The following CACNA1G variants were observed in gnomAD, a reference collection of about 807,000 sequenced individuals.
CACNA1G encodes voltage-dependent T-type calcium channel subunit alpha-1G.
CACNA1G carries 67 observed loss-of-function variants against 219.4 expected under a neutral mutation model. That is an observed-to-expected ratio of 0.31 (90% CI 0.25 to 0.37). CACNA1G has a LOEUF of 0.37. CACNA1G is among the 10% of genes least tolerant of loss of function. CACNA1G has a pLI of 1.00. For synonymous variants in CACNA1G, 1,296 were observed against 1,345.3 expected (o/e 0.96, Z 0.80); for missense variants, 2,380 against 3,231.4 (o/e 0.74, Z 6.39).
intron 25 of CACNA1G, among the ~76,000 whole-genome samples, chr17:50,609,431 G>A (rs973572481): frequency 6.6e-6 from 1 of 152,154 alleles, no homozygotes; most frequent in African/African-American, 2.4e-5. Context: ...CTGCAGCTGA[G>A]CAGGTGCAGT....
chr17:50,625,533 A>G (rs371153400), intron 37 of CACNA1G, among the ~76,000 whole-genome samples: 2 of 152,354 alleles, frequency 1.3e-5, no homozygotes, highest in African/African-American at 4.8e-5. Context: ...CAGCAGGGAC[A>G]CAGAAGGGGA....
rs2047878818 is a variant in CACNA1G, at chr17:50,606,015, C to T, written c.4414C>T (p.Leu1472Phe). 6.2e-7 allele frequency: 1 copy of T among 1,613,892 alleles called. No individual in the cohort carries two copies. Among genetic ancestry groups the T allele is most frequent in the Non-Finnish European group, 8.5e-7 (1 of 1,179,864 alleles). ...CCGGCACAAGTACAACTTTGACAAC[C>T]TTGGCCAGGTGAGCCCCAGGCTCAG... is the stretch of plus-strand genomic sequence containing the variant. ...WVRHKYNFDN[L>F]GQALMSLFVL... Residue 1472 changes from leucine (L) to phenylalanine (F), a missense_variant, in exon 23 of 38, where the codon CTT (leucine) becomes TTT (phenylalanine). Around this residue, in one of 17 missense-constraint regions of CACNA1G, gnomAD observed 153 missense variants for 374.9 expected, o/e 0.41. Coordinates refer to ENST00000359106, the MANE Select transcript of CACNA1G (RefSeq NM_018896.5).
At position 50,608,891 on chromosome 17, in the gene CACNA1G, C is replaced by T. The variant is rs868736154; in HGVS notation, c.4705+872C>T. Among the ~76,000 whole-genome samples, 11 of 152,302 alleles carry T rather than the reference C, an allele frequency of 7.2e-5. No individual in the cohort carries two copies. In the Middle Eastern group the frequency reaches 0.02, roughly 283 times the overall value. On this transcript the variant is annotated intron_variant, in intron 25 of 37. Transcript: ENST00000359106. Reference sequence around the variant, plus strand: ...CAGGGCTCCCATCTGCCTGGTACAGCGTAATCTCCGCGCCTCTCTCTCTCT... The same window carrying T: ...CAGGGCTCCCATCTGCCTGGTACAGTGTAATCTCCGCGCCTCTCTCTCTCT...
chr17:50,593,167 G>A (rs971649351), intron 13 of CACNA1G, among the ~76,000 whole-genome samples: 2 of 152,122 alleles, frequency 1.3e-5, no homozygotes, highest in Non-Finnish European at 2.9e-5. Context: ...GAGGGACGCC[G>A]GTATGCTCCC....
intron 9 of CACNA1G, among the ~76,000 whole-genome samples, chr17:50,586,508 C>T (rs544843139): frequency 5.9e-5 from 9 of 152,332 alleles, no homozygotes; most frequent in African/African-American, 9.6e-5. Flanking sequence ...ATTGAGCTCC[C>T]GTGGCTCCTG....
chr17:50,623,054 C>T (rs2052550871), intron 35 of CACNA1G, among the ~76,000 whole-genome samples: 1 of 151,570 alleles, frequency 6.6e-6, no homozygotes, highest in African/African-American at 2.4e-5. Flanking sequence ...CCTCACCTCC[C>T]CCACTGACAG....
rs2041130446 is a variant in CACNA1G at position 50,578,157 on chromosome 17, G to A, written c.1925-31G>A. ...AGGGTAGCCCCAGGTACGAGACTCTGGAGCCTCTCACCTCTACTCTCCTGT... is the reference window on the plus strand; with the variant it reads ...AGGGTAGCCCCAGGTACGAGACTCTAGAGCCTCTCACCTCTACTCTCCTGT... On this transcript the variant is annotated intron_variant, in intron 8 of 37. Transcript: ENST00000359106. This position sits in a 1 kb window ranked among gnomAD's most constrained non-coding sequence, Gnocchi z 4.5. 6.6e-7 allele frequency: 1 copy of A among 1,514,126 alleles called. No individual in the cohort carries two copies. Among genetic ancestry groups the A allele is most frequent in the Non-Finnish European group, 8.8e-7 (1 of 1,133,800 alleles). The allele number at this position is 1,514,126 out of a possible 1,614,324, so 93.8% of individuals were successfully genotyped here.
At chr17:50,594,920 G>T (rs1179905578) in intron 13 of CACNA1G, 73 bp from the exon 14 acceptor site, 4 of 1,153,408 alleles carry the variant, frequency 3.5e-6, no homozygotes, top group South Asian at 1.3e-5. Context: ...ATCCTCTCTC[G>T]ACACTGCCGA....
chr17:50,594,828 G>A (rs1432209200), intron 13 of CACNA1G, among the ~76,000 whole-genome samples, 165 bp from the exon 14 acceptor site: 1 of 152,138 alleles, frequency 6.6e-6, no homozygotes, highest in African/African-American at 2.4e-5. Context: ...ATTCTGGAAG[G>A]CTGTTCTGTC....
rs534943811 is a variant in CACNA1G at position 50,624,176 on chromosome 17, G to T, written c.6229+101G>T. On this transcript the variant is annotated intron_variant, in intron 36 of 37. Coordinates refer to ENST00000359106, the MANE Select transcript of CACNA1G (RefSeq NM_018896.5). ...GGGATGGGGAACTGAGGCAGCCAAA[G>T]AGGTATCTCTGACCTCAGGGGAGCC... 1.3e-5 allele frequency: 19 copies of T among 1,446,306 alleles called. No individual in the cohort carries two copies. The African/African-American group carries it at 2.7e-4, about 20-fold the overall frequency. 89.6% of individuals were successfully genotyped at this position (1,446,306 alleles called of 1,614,324 possible). A position where few individuals can be genotyped will look rare whatever the true frequency, so the allele number is the denominator to read the frequency against.
chr17:50,587,234 C>T (rs1046508570), intron 9 of CACNA1G, among the ~76,000 whole-genome samples: 1 of 152,080 alleles, frequency 6.6e-6, no homozygotes, highest in Non-Finnish European at 1.5e-5. Flanking sequence ...CTGCACCTCT[C>T]CAGGAGGGTG....
At chr17:50,606,598 C>T (rs1427099877) in intron 23 of CACNA1G, 6 of 540,824 alleles carry the variant, frequency 1.1e-5, no homozygotes, top group African/African-American at 1.9e-5. Flanking sequence ...AAATTGCTCG[C>T]TCAGTTTTGA....
intron 7 of CACNA1G, among the ~76,000 whole-genome samples, chr17:50,574,832 CTG>C (rs1223247690): frequency 6.6e-6 from 1 of 152,054 alleles, no homozygotes; most frequent in East Asian, 1.9e-4. Context: ...TCTGGGGAAA[CTG>C]AGGCGTGGAG....
At position 50,592,050 on chromosome 17, in the gene CACNA1G, C is replaced by T; in HGVS notation, c.2868C>T (p.Phe956=). The T allele has an allele frequency of 8.1e-6, 13 of 1,613,956 alleles. No individual in the cohort carries two copies. The highest frequency in any genetic ancestry group is 3.3e-5 in the South Asian group (3 of 91,068). Residue 956 remains phenylalanine, a synonymous_variant, in exon 13 of 38, where the codon TTC becomes TTT. Transcript: ENST00000359106. The stretch of plus-strand genomic sequence containing the variant: ...TGACCTTCGGCAACTACGTGCTCTT[C>T]AATTTGCTGGTCGCCATTCTGGTGG... ...ALMTFGNYVL[F]NLLVAILVEG...
At chr17:50,563,970 C>T (rs1400025536) in intron 1 of CACNA1G, among the ~76,000 whole-genome samples, 6 of 152,230 alleles carry the variant, frequency 3.9e-5, no homozygotes, top group South Asian at 4.1e-4. Context: ...TCAGGAGGGT[C>T]CCTGTACGCC....
chr17:50,623,263 ATTTTTTTTTTTTTTTTT>A (rs35058899), intron 35 of CACNA1G, among the ~76,000 whole-genome samples: 6 of 50,978 alleles, frequency 1.2e-4, no homozygotes, highest in Admixed American at 3.1e-4. Context: ...TATCCAGCTA[ATTTTTTTTTTTTTTTTT>A]TTTTTTTTTT....
intron 3 of CACNA1G, 45 bp downstream of exon 3, chr17:50,569,343 C>G (rs759677534): frequency 3.1e-5 from 50 of 1,602,230 alleles, no homozygotes; most frequent in Admixed American, 6.7e-5. Context: ...TCAGATCGGT[C>G]CCTTCCCCGG....
intron 34 of CACNA1G, 69 bp downstream of exon 34, chr17:50,619,895 C>CCCCAGAAGCA: frequency 6.9e-7 from 1 of 1,440,488 alleles, no homozygotes; most frequent in Non-Finnish European, 9.2e-7. Flanking sequence ...TGCCATGCTT[C>CCCCAGAAGCA]TGGGGAAGCT....
chr17:50,578,089 C>T lies in CACNA1G; in HGVS notation c.1925-99C>T. ...AGTGCCTAGCACCCCATCACTGTAA[C>T]AACCCCAGACTCCCTGACTCATTTT... On this transcript the variant is annotated intron_variant, in intron 8 of 37. Transcript: ENST00000359106. The surrounding 1 kb of genome is among the most constrained non-coding windows in gnomAD (Gnocchi z 4.5). 1 of 1,407,596 alleles carries T rather than the reference C, an allele frequency of 7.1e-7. No homozygotes were observed. Among genetic ancestry groups the T allele is most frequent in the African/African-American group, 1.4e-5 (1 of 69,726 alleles). 87.2% of individuals were successfully genotyped at this position (1,407,596 alleles called of 1,614,324 possible).
Sources: allele counts gnomAD v4.1 joint callset (sites outside exome capture counted in the v4.1 genomes callset), GRCh38; gene constraint gnomAD v4.1.1; regional missense constraint gnomAD v4.1.1; non-coding constraint Gnocchi (gnomAD v3.1); transcripts MANE v1.5; gene names NCBI Gene and HGNC (gene_info 2026-07-23, HGNC 2026-07-21).